EMILIN2: variants seen among roughly 807,000 people sequenced by gnomAD.
EMILIN2 encodes the protein elastin microfibril interfacer 2, also known as EMILIN-2.
A neutral mutation model predicts 87.1 loss-of-function variants in EMILIN2; 71 were observed. That is an observed-to-expected ratio of 0.82 (90% confidence interval 0.67 to 0.99). The LOEUF is 0.99. Ranked by LOEUF, EMILIN2 falls within the 50% of genes least tolerant of loss-of-function variation. The probability of loss-of-function intolerance (pLI) is 0.00; values close to 1 mark genes in which losing one functional copy is unlikely to be tolerated. For synonymous variants in EMILIN2, 581 were observed against 563.4 expected, an observed-to-expected ratio of 1.03 and a Z score of -0.44; for missense variants, 1,407 against 1,371.8, an observed-to-expected ratio of 1.03 and a Z score of -0.40.
upstream of EMILIN2, chr18:2,846,848 C>T: frequency 1.0e-6 from 1 of 985,404 alleles, no homozygotes; most frequent in Middle Eastern, 5.2e-4. The surrounding 1 kb of genome is among the most constrained non-coding windows in gnomAD (Gnocchi z 5.3). Flanking sequence ...CCCCTCCACC[C>T]CGAGCCCCCT....
chr18:2,913,251 G>C lies in EMILIN2; in HGVS notation c.3009G>C (p.Gly1003=). The C allele has an allele frequency of 6.2e-7, 1 of 1,613,934 alleles. No individual in the cohort carries two copies. Among genetic ancestry groups the C allele is most frequent in the Non-Finnish European group, 8.5e-7 (1 of 1,179,870 alleles). The change falls in exon 8 of 8, where the codon GGG becomes GGC. Residue 1003 remains glycine (G), a synonymous_variant. Coordinates refer to ENST00000254528, the MANE Select transcript of EMILIN2 (RefSeq NM_032048.3). ...CTCCAGGAGCTTTGCATACCTGCGG[G>C]GGCCCGGGGGCATTCCACCTCATCG... ...HRPPGALHTC[G]GPGAFHLIVH... is the part of the protein sequence containing the mutation.
At chr18:2,885,990 G>GTAA (rs1415971162) in intron 3 of EMILIN2, among the ~76,000 whole-genome samples, 18 of 152,194 alleles carry the variant, frequency 1.2e-4, no homozygotes, top group African/African-American at 4.3e-4. Context: ...AACTACAAAA[G>GTAA]TAATGCACAT....
At chr18:2,873,599 C>T (rs928216190) in intron 2 of EMILIN2, among the ~76,000 whole-genome samples, 9 of 151,328 alleles carry the variant, frequency 5.9e-5, no homozygotes, top group Admixed American at 2.0e-4. Flanking sequence ...CCCAGCTACT[C>T]GGGAGGCTGA....
At chr18:2,896,834 C>T (rs1040846731) in intron 4 of EMILIN2, among the ~76,000 whole-genome samples, 7 of 151,518 alleles carry the variant, frequency 4.6e-5, no homozygotes, top group Non-Finnish European at 7.4e-5. Context: ...AGATGGGGGT[C>T]GGGAGACAAA....
rs1358897444 is a variant in EMILIN2 at position 2,847,995 on chromosome 18, G to A, written c.257+64G>A. The A allele has an allele frequency of 4.7e-6, 7 of 1,491,868 alleles. No homozygotes were observed. The highest frequency in any genetic ancestry group is 4.2e-5 in the African/African-American group (3 of 71,716). 92.4% of individuals were successfully genotyped at this position (1,491,868 alleles called of 1,614,324 possible). A position where few individuals can be genotyped will look rare whatever the true frequency, so the allele number is the denominator to read the frequency against. On this transcript the variant is annotated intron_variant, in intron 2 of 7. Coordinates refer to ENST00000254528, the MANE Select transcript of EMILIN2 (RefSeq NM_032048.3). This position sits in a 1 kb window ranked among gnomAD's most constrained non-coding sequence, Gnocchi z 4.5. ...GGCCGGGGCGGTGGGGGTGGGGTGG[G>A]GTTGCTGCGCTGGGCTCCAGTCCCT...
intron 2 of EMILIN2, among the ~76,000 whole-genome samples, chr18:2,855,552 G>A (rs181484323): frequency 6.6e-5 from 10 of 152,310 alleles, no homozygotes; most frequent in East Asian, 1.9e-4. Context: ...ACGGTGGCAC[G>A]TGGTATTTGA....
chr18:2,903,694 T>C (rs768886241), intron 4 of EMILIN2, among the ~76,000 whole-genome samples: 1 of 152,224 alleles, frequency 6.6e-6, no homozygotes, highest in Non-Finnish European at 1.5e-5. Flanking sequence ...TATGTATCTA[T>C]TTTGGAGTCT....
At position 2,847,972 on chromosome 18, in the gene EMILIN2, C is replaced by T. The variant is rs1262158603; in HGVS notation, c.257+41C>T. 9.0e-6 allele frequency: 14 copies of T among 1,550,664 alleles called. No individual in the cohort carries two copies. The highest frequency in any genetic ancestry group is 1.2e-5 in the Non-Finnish European group (14 of 1,152,384). ...GGGGAGCGGGCGGGGCGCGCCCGGG[C>T]CGGGGCGGTGGGGGTGGGGTGGGGT... On this transcript the variant is annotated intron_variant, in intron 2 of 7. Transcript: ENST00000254528. The surrounding 1 kb of genome is among the most constrained non-coding windows in gnomAD (Gnocchi z 4.5).
At chr18:2,899,452 A>C (rs1208465763) in intron 4 of EMILIN2, among the ~76,000 whole-genome samples, 1 of 152,042 alleles carries the variant, frequency 6.6e-6, no homozygotes, top group African/African-American at 2.4e-5. Context: ...AGCAGTATAG[A>C]TCCTCCTATG....
chr18:2,906,762 T>C lies in EMILIN2; in HGVS notation c.2360-21T>C, dbSNP rs1395107485. On this transcript the variant is annotated intron_variant, in intron 4 of 7. Coordinates refer to ENST00000254528, the MANE Select transcript of EMILIN2 (RefSeq NM_032048.3). ...GAGGTTTCCTAATCCCGTGTGTTTC[T>C]TTCTCCCCGACGCCCGGCAGAGGCG... is the stretch of plus-strand genomic sequence containing the variant. 3.9e-6 allele frequency: 5 copies of C among 1,275,564 alleles called. No individual in the cohort carries two copies. In the African/African-American group the frequency reaches 6.2e-5, roughly 16 times the overall value. 79.0% of individuals were successfully genotyped at this position (1,275,564 alleles called of 1,614,324 possible).
chr18:2,872,912 G>T (rs1302483959), intron 2 of EMILIN2, among the ~76,000 whole-genome samples: 1 of 152,070 alleles, frequency 6.6e-6, no homozygotes, highest in East Asian at 1.9e-4. Context: ...ATTGATTGAG[G>T]CAAAGTGAAG....
At chr18:2,899,164 TG>T (rs1472821788) in intron 4 of EMILIN2, among the ~76,000 whole-genome samples, 1 of 152,134 alleles carries the variant, frequency 6.6e-6, no homozygotes, top group East Asian at 1.9e-4. Context: ...GCCAGGAATT[TG>T]TAATTAAATT....
In EMILIN2 at chr18:2,847,267, C is replaced by CTGTGCCACGCCGGCCCGCAGCCCGGG; in HGVS notation, c.81_106dup (p.Tyr36CysfsTer26). ...GCTGCTGGCCCTGGTTGGCGCGGGGCTGTGCCACGCCGGCCCGCAGCCCGG... is the reference window on the plus strand; with the variant it reads ...GCTGCTGGCCCTGGTTGGCGCGGGGCTGTGCCACGCCGGCCCGCAGCCCGGGTGTGCCACGCCGGCCCGCAGCCCGG... On this transcript the variant is annotated frameshift_variant, in exon 1 of 8. Coordinates refer to ENST00000254528, the MANE Select transcript of EMILIN2 (RefSeq NM_032048.3). LOFTEE classifies it high-confidence loss of function. The surrounding 1 kb of genome is among the most constrained non-coding windows in gnomAD (Gnocchi z 4.5). 7.6e-7 allele frequency: 1 copy of CTGTGCCACGCCGGCCCGCAGCCCGGG among 1,315,506 alleles called. No homozygotes were observed. Among genetic ancestry groups the CTGTGCCACGCCGGCCCGCAGCCCGGG allele is most frequent in the Non-Finnish European group, 9.7e-7 (1 of 1,035,312 alleles). 81.5% of individuals were successfully genotyped at this position (1,315,506 alleles called of 1,614,324 possible). A position where few individuals can be genotyped will look rare whatever the true frequency, so the allele number is the denominator to read the frequency against.
At position 2,867,595 on chromosome 18, in the gene EMILIN2, A is replaced by C. The variant is rs2076693145; in HGVS notation, c.258-17369A>C. On this transcript the variant is annotated intron_variant, in intron 2 of 7. Transcript: ENST00000254528. Reference sequence around the variant, plus strand: ...TTCAAGCATCTGTTTAACAAAGCACATCTTGCACCGCCCTTAATCCATTTA... The same window carrying C: ...TTCAAGCATCTGTTTAACAAAGCACCTCTTGCACCGCCCTTAATCCATTTA... 2.0e-5 allele frequency among the ~76,000 whole-genome samples: 3 copies of C among 152,338 alleles called. No individual in the cohort carries two copies. The South Asian group carries it at 6.2e-4, about 32-fold the overall frequency.
At chr18:2,884,368 C>T (rs1355861687) in intron 2 of EMILIN2, among the ~76,000 whole-genome samples, 2 of 152,210 alleles carry the variant, frequency 1.3e-5, no homozygotes, top group African/African-American at 4.8e-5. Flanking sequence ...TCTCGTGCCT[C>T]AGCGGTAGCT....
At chr18:2,900,010 C>G (rs1356724284) in intron 4 of EMILIN2, among the ~76,000 whole-genome samples, 1 of 152,076 alleles carries the variant, frequency 6.6e-6, no homozygotes, top group East Asian at 1.9e-4. Flanking sequence ...GACGCATTTT[C>G]TATATTTAGC....
chr18:2,882,023 T>C (rs1178905415), intron 2 of EMILIN2, among the ~76,000 whole-genome samples: 3 of 152,198 alleles, frequency 2.0e-5, no homozygotes, highest in African/African-American at 7.2e-5. Context: ...ATGTAAGGCA[T>C]CGCCTGAGAG....
chr18:2,907,324 C>A (rs1325999931), intron 5 of EMILIN2, among the ~76,000 whole-genome samples: 1 of 152,214 alleles, frequency 6.6e-6, no homozygotes, highest in Non-Finnish European at 1.5e-5. Context: ...TGAGTGGCCC[C>A]GCCGGTTGGA....
In EMILIN2 at chr18:2,912,992, TG is replaced by T. The variant is rs528612759; in HGVS notation, c.2825-69del. 4.0e-6 allele frequency: 6 copies of T among 1,500,232 alleles called. No individual in the cohort carries two copies. The Admixed American group carries it at 5.3e-5, about 13-fold the overall frequency. 92.9% of individuals were successfully genotyped at this position (1,500,232 alleles called of 1,614,324 possible). A position where few individuals can be genotyped will look rare whatever the true frequency, so the allele number is the denominator to read the frequency against. On this transcript the variant is annotated intron_variant, in intron 7 of 7. Transcript: ENST00000254528. ...GGTCTCCCAGGCCCAGGTTAATCAC[TG>T]GGGGGCCACTTACTACCATGGCAAG... is the stretch of plus-strand genomic sequence containing the variant.
Sources: allele counts gnomAD v4.1 joint callset (sites outside exome capture counted in the v4.1 genomes callset), GRCh38; gene constraint gnomAD v4.1.1; non-coding constraint Gnocchi (gnomAD v3.1); transcripts MANE v1.5; gene names NCBI Gene and HGNC (gene_info 2026-07-23, HGNC 2026-07-21).